Variants in FBXO28 observed in about 807,000 individuals in gnomAD.
FBXO28 encodes F-box protein 28, also known as F-box only protein 28.
FBXO28 carries 8 observed loss-of-function variants against 38.1 expected under a neutral mutation model. The ratio of observed to expected loss-of-function variants is 0.21; its 90% CI spans 0.12 to 0.38. FBXO28 has a LOEUF of 0.38. Ranked by LOEUF, FBXO28 falls within the 10% of genes least tolerant of loss-of-function variation. FBXO28 has a pLI of 1.00. For missense variants in FBXO28, 345 were observed against 460.6 expected (o/e 0.75, Z 2.30); for synonymous variants, 168 against 173.8 (o/e 0.97, Z 0.26).
At chr1:224,153,003 A>G (rs920175529) in intron 3 of FBXO28, 139 bp from the exon 4 acceptor site, 2 of 526,142 alleles carry the variant, frequency 3.8e-6, no homozygotes, top group Non-Finnish European at 6.5e-6. Context: ...AATATTCATC[A>G]GTGGCCAGTA....
In FBXO28 at chr1:224,136,101, G is replaced by GTTTTTTTTTTTT. The variant is rs397982996; in HGVS notation, c.516+1898_516+1909dup. Among the ~76,000 whole-genome samples the GTTTTTTTTTTTT allele has an allele frequency of 1.8e-3, 135 of 75,126 alleles. 31 individuals are homozygous for GTTTTTTTTTTTT. The highest frequency in any genetic ancestry group is 3.7e-3 in the African/African-American group (66 of 17,990). 49.3% of individuals were successfully genotyped at this position (75,126 alleles called of 152,430 possible). A position where few individuals can be genotyped will look rare whatever the true frequency, so the allele number is the denominator to read the frequency against. ...TTTTGGAAACCATTTGTTGACTTCAGTTTTTTTTTTTTTTTTTTTTGAGAT... is the reference window on the plus strand; with the variant it reads ...TTTTGGAAACCATTTGTTGACTTCAGTTTTTTTTTTTTTTTTTTTTTTTTTTTTTTTTGAGAT... On this transcript the variant is annotated intron_variant, in intron 3 of 4. Coordinates refer to ENST00000366862, the MANE Select transcript of FBXO28 (RefSeq NM_015176.4).
At chr1:224,123,178 G>A (rs757157437) in intron 1 of FBXO28, among the ~76,000 whole-genome samples, 1 of 152,112 alleles carries the variant, frequency 6.6e-6, no homozygotes, top group Non-Finnish European at 1.5e-5. Context: ...GAACTGTAGA[G>A]TGCCAAACTA....
chr1:224,118,743 G>C (rs1353692436), intron 1 of FBXO28, among the ~76,000 whole-genome samples: 1 of 152,176 alleles, frequency 6.6e-6, no homozygotes, highest in Non-Finnish European at 1.5e-5. Context: ...TAGGCAAGCT[G>C]TCTTGTATCT....
intron 3 of FBXO28, among the ~76,000 whole-genome samples, chr1:224,144,454 C>G (rs111398610): frequency 0.02 from 3,046 of 151,752 alleles, 105 homozygotes; most frequent in African/African-American, 0.067. Context: ...GGGCGAAGAC[C>G]CTGTCTCAAA....
In FBXO28 at chr1:224,157,354, C is replaced by G; in HGVS notation, c.715C>G (p.Pro239Ala). The G allele has an allele frequency of 6.2e-7, 1 of 1,603,262 alleles. No homozygotes were observed. The highest frequency in any genetic ancestry group is 1.3e-5 in the African/African-American group (1 of 74,506). ...CCTTTTGAATTATTCCTCCACAGTT[C>G]CAGGACCGTCTGCAGCCCTAACAAC... is the stretch of plus-strand genomic sequence containing the variant. ...SGRLMGSPPVPGPSAALTTMQ... is the reference protein window; with the variant it reads ...SGRLMGSPPVAGPSAALTTMQ... The change falls in exon 5 of 5, where the codon CCA becomes GCA. Residue 239 changes from proline to alanine, a missense_variant and splice_region_variant. By Grantham distance (27) the Pro-to-Ala change is conservative. This residue lies in a region of FBXO28 where 151 missense variants were observed against 188.3 expected (regional missense o/e 0.80). Transcript: ENST00000366862.
chr1:224,114,233 C>T lies in FBXO28; in HGVS notation c.104C>T (p.Pro35Leu), dbSNP rs763382437. The change falls in exon 1 of 5, where the codon CCG becomes CTG. Residue 35 changes from proline to leucine, a missense_variant. Around this residue, in one of 6 missense-constraint regions of FBXO28, gnomAD observed 104 missense variants for 82.0 expected, o/e 1.27. Coordinates refer to ENST00000366862, the MANE Select transcript of FBXO28 (RefSeq NM_015176.4). Reference sequence around the variant, plus strand: ...GGCTCTACCCAGCGACAGCCTCCACCGCCCGCGCCACAGCACCCGCAGCCG... The same window carrying T: ...GGCTCTACCCAGCGACAGCCTCCACTGCCCGCGCCACAGCACCCGCAGCCG... ...ASGSTQRQPP[P>L]PAPQHPQPGS... 4 of 1,551,380 alleles carry T rather than the reference C, an allele frequency of 2.6e-6. No individual in the cohort carries two copies. Among genetic ancestry groups the T allele is most frequent in the South Asian group, 1.2e-5 (1 of 84,188 alleles).
chr1:224,120,687 A>AC, intron 1 of FBXO28, among the ~76,000 whole-genome samples: 1 of 152,114 alleles, frequency 6.6e-6, no homozygotes, highest in South Asian at 2.1e-4. Flanking sequence ...ACATGGTGAA[A>AC]CCCCGTCTAT....
chr1:224,154,811 C>CA (rs35624285), intron 4 of FBXO28, among the ~76,000 whole-genome samples: 66,102 of 118,578 alleles, frequency 0.56, 18,881 homozygotes, highest in South Asian at 0.61. Flanking sequence ...GACTCCGTCT[C>CA]AAAAAAAAAA....
rs1322260658 is a variant in FBXO28, at chr1:224,158,862, C to A, written c.*1116C>A. ...AAAAAGCATTTTGATTATTTCATTT[C>A]TGGAGGATGACCTTGAGGGAAGCTT... On this transcript the variant is annotated 3_prime_UTR_variant, in exon 5 of 5. Coordinates refer to ENST00000366862, the MANE Select transcript of FBXO28 (RefSeq NM_015176.4). 1.3e-5 allele frequency: 2 copies of A among 152,576 alleles called. No individual in the cohort carries two copies. Among genetic ancestry groups the A allele is most frequent in the African/African-American group, 4.8e-5 (2 of 41,442 alleles). 9.5% of individuals were successfully genotyped at this position (152,576 alleles called of 1,614,324 possible).
At chr1:224,126,025 C>T (rs1368371987) in intron 1 of FBXO28, among the ~76,000 whole-genome samples, 4 of 152,182 alleles carry the variant, frequency 2.6e-5, no homozygotes, top group Non-Finnish European at 4.4e-5. Context: ...CATCTGTCTT[C>T]GGAAGTAGTT....
intron 1 of FBXO28, among the ~76,000 whole-genome samples, chr1:224,128,809 C>A (rs910909604): frequency 6.6e-6 from 1 of 151,796 alleles, no homozygotes; most frequent in Non-Finnish European, 1.5e-5. Context: ...AACATAGACC[C>A]CCATCTCTAC....
intron 1 of FBXO28, 83 bp downstream of exon 1, chr1:224,114,479 G>A: frequency 1.6e-6 from 2 of 1,218,434 alleles, no homozygotes; most frequent in Non-Finnish European, 2.2e-6. Flanking sequence ...CCCCGGGAAG[G>A]GAGCCCCCCG....
chr1:224,139,764 GCATACATA>G lies in FBXO28; in HGVS notation c.516+5584_516+5591del, dbSNP rs57108038. On this transcript the variant is annotated intron_variant, in intron 3 of 4. Transcript: ENST00000366862. ...GAAATAAATACATACATGCATGCAT[GCATACATA>G]CATACATACATACATACATACATAC... is the stretch of plus-strand genomic sequence containing the variant. Among the ~76,000 whole-genome samples, 35 of 146,028 alleles carry G rather than the reference GCATACATA, an allele frequency of 2.4e-4. 1 individual carries two copies. The highest frequency in any genetic ancestry group is 1.1e-3 in the South Asian group (5 of 4,558).
At chr1:224,148,895 C>A (rs939572904) in intron 3 of FBXO28, among the ~76,000 whole-genome samples, 4 of 152,150 alleles carry the variant, frequency 2.6e-5, no homozygotes, top group Non-Finnish European at 5.9e-5. Context: ...CCAGTTCTCT[C>A]AACTGGATCT....
intron 4 of FBXO28, among the ~76,000 whole-genome samples, chr1:224,153,881 A>G (rs943983112): frequency 1.3e-5 from 2 of 150,358 alleles, no homozygotes; most frequent in Admixed American, 1.3e-4. Context: ...GATTCGCGCC[A>G]TTGCACTCCA....
At chr1:224,134,752 A>G (rs1657135079) in intron 3 of FBXO28, among the ~76,000 whole-genome samples, 1 of 152,230 alleles carries the variant, frequency 6.6e-6, no homozygotes, top group Admixed American at 6.5e-5. Context: ...AAGTTAATAA[A>G]AACTCCAACA....
intron 3 of FBXO28, among the ~76,000 whole-genome samples, chr1:224,145,662 C>T (rs1011035524): frequency 1.3e-5 from 2 of 152,152 alleles, no homozygotes; most frequent in Non-Finnish European, 1.5e-5. Context: ...GTAGCTCATG[C>T]CTGTAATCCC....
chr1:224,122,040 C>G (rs985327943), intron 1 of FBXO28, among the ~76,000 whole-genome samples: 1 of 152,140 alleles, frequency 6.6e-6, no homozygotes, highest in Admixed American at 6.5e-5. Context: ...TCGCAAAGTG[C>G]TGGGATTACA....
At chr1:224,152,179 G>A (rs1232482350) in intron 3 of FBXO28, among the ~76,000 whole-genome samples, 1 of 151,794 alleles carries the variant, frequency 6.6e-6, no homozygotes, top group Non-Finnish European at 1.5e-5. Flanking sequence ...AGAGAGTTAG[G>A]TGTTCTCCCC....
Sources: allele counts gnomAD v4.1 joint callset (sites outside exome capture counted in the v4.1 genomes callset), GRCh38; gene constraint gnomAD v4.1.1; regional missense constraint gnomAD v4.1.1; transcripts MANE v1.5; gene names NCBI Gene and HGNC (gene_info 2026-07-23, HGNC 2026-07-21).